Variants in COL26A1 observed in about 807,000 individuals in gnomAD.
COL26A1 encodes the protein collagen alpha-1(XXVI) chain.
COL26A1 carries 41 observed loss-of-function variants against 59.3 expected under a neutral mutation model. The observed-to-expected ratio is 0.69, with a 90% CI of 0.54 to 0.90. The LOEUF is 0.90. COL26A1 is among the 40% of genes least tolerant of loss of function. COL26A1 has a pLI of 0.00. For missense variants in COL26A1, 612 were observed against 602.3 expected (o/e 1.02, Z -0.17); for synonymous variants, 266 against 256.0 (o/e 1.04, Z -0.37).
At chr7:101,430,554 G>C (rs546022068) in intron 2 of COL26A1, among the ~76,000 whole-genome samples, 2 of 151,810 alleles carry the variant, frequency 1.3e-5, no homozygotes, top group Non-Finnish European at 2.9e-5. Context: ...TTCCCAAAGT[G>C]CTGGGATTAT....
chr7:101,416,510 T>G (rs75560632), intron 1 of COL26A1, among the ~76,000 whole-genome samples: 2,727 of 143,844 alleles, frequency 0.019, 252 homozygotes, highest in African/African-American at 0.063. Flanking sequence ...TTGTTCTTTT[T>G]TGATCATGCC....
intron 3 of COL26A1, among the ~76,000 whole-genome samples, chr7:101,531,776 GT>G (rs113708597): frequency 1.9e-3 from 271 of 144,932 alleles, no homozygotes; most frequent in African/African-American, 5.8e-3. Flanking sequence ...TTTGTTTTTT[GT>G]TTTTTTTTTT....
chr7:101,450,854 G>GAATTCCATA (rs1793317922), intron 3 of COL26A1, among the ~76,000 whole-genome samples: 1 of 140,754 alleles, frequency 7.1e-6, no homozygotes, highest in Admixed American at 7.2e-5. Context: ...ATATGAATAT[G>GAATTCCATA]GAATGTAGAA....
chr7:101,450,297 C>A (rs1315205406), intron 3 of COL26A1, among the ~76,000 whole-genome samples: 1 of 152,076 alleles, frequency 6.6e-6, no homozygotes, highest in Non-Finnish European at 1.5e-5. Context: ...AATATTGCCA[C>A]CCGGGGAAGC....
At chr7:101,452,631 G>A (rs1793370733) in intron 3 of COL26A1, among the ~76,000 whole-genome samples, 1 of 152,038 alleles carries the variant, frequency 6.6e-6, no homozygotes, top group African/African-American at 2.4e-5. Context: ...CTAGCCTATT[G>A]CTCTGGGCTA....
intron 3 of COL26A1, among the ~76,000 whole-genome samples, chr7:101,451,808 GA>G (rs1191029744): frequency 6.6e-6 from 1 of 151,288 alleles, no homozygotes; most frequent in Non-Finnish European, 1.5e-5. Context: ...GGGTTCAAGC[GA>G]TTGTCCCACC....
chr7:101,380,594 T>C (rs999984946), intron 1 of COL26A1, among the ~76,000 whole-genome samples: 1 of 152,140 alleles, frequency 6.6e-6, no homozygotes, highest in African/African-American at 2.4e-5. Flanking sequence ...TACTTTACTC[T>C]ATGGACTTGC....
At chr7:101,368,202 G>C (rs1168570885) in intron 1 of COL26A1, among the ~76,000 whole-genome samples, 1 of 152,140 alleles carries the variant, frequency 6.6e-6, no homozygotes, top group Non-Finnish European at 1.5e-5. Flanking sequence ...TACATCTTGG[G>C]TGCTGTAGTG....
intron 1 of COL26A1, among the ~76,000 whole-genome samples, chr7:101,392,397 C>CTTTT (rs34053990): frequency 1.2e-5 from 1 of 86,614 alleles, no homozygotes; most frequent in African/African-American, 4.1e-5. Flanking sequence ...AACAACCAGG[C>CTTTT]TTTTTTTTTT....
chr7:101,500,829 A>C (rs1050375394), intron 3 of COL26A1, among the ~76,000 whole-genome samples: 1 of 151,920 alleles, frequency 6.6e-6, no homozygotes, highest in African/African-American at 2.4e-5. Flanking sequence ...TCAATAAATA[A>C]AAAAATAAAT....
chr7:101,410,481 G>A (rs1792218311), intron 1 of COL26A1, among the ~76,000 whole-genome samples: 1 of 152,200 alleles, frequency 6.6e-6, no homozygotes, highest in Non-Finnish European at 1.5e-5. Flanking sequence ...ACTAGGAGAG[G>A]AAGGTAGTGA....
intron 1 of COL26A1, among the ~76,000 whole-genome samples, chr7:101,375,516 C>T (rs529249369): frequency 1.2e-3 from 189 of 151,606 alleles, no homozygotes; most frequent in Non-Finnish European, 2.2e-3. Flanking sequence ...GGCAACATAG[C>T]GAAATCCCCT....
intron 3 of COL26A1, among the ~76,000 whole-genome samples, chr7:101,463,775 T>TTCTTTCTCTCTCTTTCTTTCTCTCTC (rs1166954362): frequency 8.4e-6 from 1 of 119,454 alleles, no homozygotes; most frequent in African/African-American, 3.5e-5. Flanking sequence ...CCTTCCTTCT[T>TTCTTTCTCTCTCTTTCTTTCTCTCTC]TCTTTCTTTC....
intron 1 of COL26A1, among the ~76,000 whole-genome samples, chr7:101,407,070 G>A (rs1355896921): frequency 6.6e-6 from 1 of 152,152 alleles, no homozygotes; most frequent in Non-Finnish European, 1.5e-5. Context: ...CCCCCATCGA[G>A]TGGGTATCCT....
chr7:101,362,758 A>G (rs1455309876), upstream of COL26A1: 4 of 483,324 alleles, frequency 8.3e-6, no homozygotes, highest in Non-Finnish European at 1.5e-5. Context: ...CTCTGCCGCC[A>G]CTGCCGCCTC....
chr7:101,386,089 G>A, intron 1 of COL26A1, among the ~76,000 whole-genome samples: 1 of 152,082 alleles, frequency 6.6e-6, no homozygotes, highest in Non-Finnish European at 1.5e-5. Context: ...TTCATCAAGG[G>A]TGGGGCTTCA....
intron 1 of COL26A1, among the ~76,000 whole-genome samples, chr7:101,403,187 G>T (rs1214064116): frequency 6.6e-6 from 1 of 152,102 alleles, no homozygotes; most frequent in Non-Finnish European, 1.5e-5. Context: ...TAGAGAGATG[G>T]TTTCAGGGGA....
Position 101,549,224 on chromosome 7 carries a change from G to A in COL26A1, c.993+1G>A. 6.2e-7 allele frequency: 1 copy of A among 1,604,654 alleles called. No individual in the cohort carries two copies. The highest frequency in any genetic ancestry group is 8.5e-7 in the Non-Finnish European group (1 of 1,174,888). ...ACCCCCAGGAACACCTGGATCCCAG[G>A]TAAGGACTTTGCCATTTTAGGTAGG... On this transcript the variant is annotated splice_donor_variant, in intron 9 of 12. Coordinates refer to ENST00000313669, the MANE Select transcript of COL26A1 (RefSeq NM_001278563.3). LOFTEE classifies it high-confidence loss of function.
chr7:101,530,968 GT>G (rs1164174947), intron 3 of COL26A1, among the ~76,000 whole-genome samples: 2 of 150,636 alleles, frequency 1.3e-5, no homozygotes, highest in African/African-American at 2.4e-5. Flanking sequence ...TTTGTTTTTT[GT>G]TTTTTTGTTT....
Sources: allele counts gnomAD v4.1 joint callset (sites outside exome capture counted in the v4.1 genomes callset), GRCh38; gene constraint gnomAD v4.1.1; transcripts MANE v1.5; gene names NCBI Gene and HGNC (gene_info 2026-07-23, HGNC 2026-07-21).